Variants in NETO1 observed in about 807,000 individuals in gnomAD.
The protein encoded by NETO1 is neuropilin and tolloid-like protein 1.
A neutral mutation model predicts 61.3 loss-of-function variants in NETO1; 26 were observed. The ratio of observed to expected loss-of-function variants is 0.42; its 90% CI spans 0.31 to 0.59. The LOEUF (loss-of-function observed/expected upper bound fraction) is 0.59, where lower values mean the gene tolerates loss of function less well. NETO1 is among the 20% of genes least tolerant of loss of function. The pLI, the probability that NETO1 is intolerant of heterozygous loss-of-function variation, is 0.12. For synonymous variants in NETO1, 225 were observed against 225.8 expected (o/e 1.00, Z 0.03); for missense variants, 531 against 662.8 (o/e 0.80, Z 2.18).
intron 7 of NETO1, among the ~76,000 whole-genome samples, chr18:72,756,799 T>C (rs577081181): frequency 2.6e-5 from 4 of 152,198 alleles, no homozygotes; most frequent in African/African-American, 7.2e-5. Context: ...CAGATTACAA[T>C]GCACATTGAG....
chr18:72,855,323 C>A (rs1412414145), intron 4 of NETO1, among the ~76,000 whole-genome samples: 3 of 152,192 alleles, frequency 2.0e-5, no homozygotes, highest in African/African-American at 7.2e-5. Context: ...AGGATTTGAA[C>A]CAGCTGATTT....
intron 7 of NETO1, among the ~76,000 whole-genome samples, chr18:72,762,487 T>G (rs1176030408): frequency 2.0e-5 from 3 of 152,188 alleles, no homozygotes; most frequent in Non-Finnish European, 4.4e-5. Context: ...TATACTTTTA[T>G]GTATAAGTAT....
chr18:72,849,672 T>C (rs1319705763), intron 4 of NETO1, among the ~76,000 whole-genome samples: 2 of 152,246 alleles, frequency 1.3e-5, no homozygotes, highest in African/African-American at 4.8e-5. Flanking sequence ...TGTTTCTTAT[T>C]TGTTGCTTTA....
At chr18:72,757,267 G>A (rs1372020936) in intron 7 of NETO1, among the ~76,000 whole-genome samples, 5 of 151,940 alleles carry the variant, frequency 3.3e-5, no homozygotes, top group African/African-American at 1.2e-4. Context: ...TTTCAAAACT[G>A]TATATTACAT....
chr18:72,792,015 G>C (rs1450934916), intron 6 of NETO1, among the ~76,000 whole-genome samples: 1 of 152,168 alleles, frequency 6.6e-6, no homozygotes, highest in Non-Finnish European at 1.5e-5. Flanking sequence ...CTGGAAGCTG[G>C]AGAATGATCT....
In NETO1 at chr18:72,756,429, A is replaced by G. The variant is rs966875585; in HGVS notation, c.869-282T>C. 3.3e-5 allele frequency among the ~76,000 whole-genome samples: 5 copies of G among 152,148 alleles called. No homozygotes were observed. In the South Asian group the frequency reaches 1.0e-3, roughly 31 times the overall value. On this transcript the variant is annotated intron_variant, in intron 7 of 10. Coordinates refer to ENST00000327305, the MANE Select transcript of NETO1 (RefSeq NM_138966.5). The stretch of plus-strand genomic sequence containing the variant: ...ATTATCCACATTTTTTTAAGTAGGC[A>G]TATTTATTTAGCAAACCTGAAGCAT...
At chr18:72,775,785 C>G (rs985456583) in intron 7 of NETO1, among the ~76,000 whole-genome samples, 1 of 152,092 alleles carries the variant, frequency 6.6e-6, no homozygotes, top group Non-Finnish European at 1.5e-5. Context: ...TGCCTCAGTT[C>G]TGTTAACAAA....
At chr18:72,771,003 G>A (rs2071335988) in intron 7 of NETO1, among the ~76,000 whole-genome samples, 1 of 152,098 alleles carries the variant, frequency 6.6e-6, no homozygotes, top group African/African-American at 2.4e-5. Flanking sequence ...ATTAAAGTAA[G>A]TTGATTATTT....
At chr18:72,806,463 T>C (rs1480972531) in intron 4 of NETO1, among the ~76,000 whole-genome samples, 2 of 152,206 alleles carry the variant, frequency 1.3e-5, no homozygotes, top group Non-Finnish European at 2.9e-5. Flanking sequence ...ATCACTCCTA[T>C]ACATAGTAGT....
intron 4 of NETO1, among the ~76,000 whole-genome samples, chr18:72,813,764 A>T (rs2072942900): frequency 6.6e-6 from 1 of 152,186 alleles, no homozygotes; most frequent in African/African-American, 2.4e-5. Flanking sequence ...GAGTGAGAAA[A>T]TAAAGGAGAA....
At chr18:72,755,908 C>A (rs2070766834) in intron 8 of NETO1, 126 bp downstream of exon 8, 9 of 555,468 alleles carry the variant, frequency 1.6e-5, no homozygotes, top group Non-Finnish European at 2.7e-5. Context: ...AATTATAAGA[C>A]ATATGCGGTG....
At chr18:72,748,983 G>A (rs759183146) in intron 10 of NETO1, 31 bp downstream of exon 10, 3 of 1,384,098 alleles carry the variant, frequency 2.2e-6, no homozygotes, top group Admixed American at 3.4e-5. Context: ...ATACGACAAA[G>A]TAGGAAAAGG....
intron 4 of NETO1, among the ~76,000 whole-genome samples, chr18:72,843,373 C>G (rs2073991680): frequency 6.6e-6 from 1 of 152,176 alleles, no homozygotes; most frequent in Non-Finnish European, 1.5e-5. Context: ...TTCTCTACCA[C>G]CCTCCTTTTT....
chr18:72,804,104 T>C (rs909588885), intron 4 of NETO1, among the ~76,000 whole-genome samples: 2 of 152,120 alleles, frequency 1.3e-5, no homozygotes, highest in Non-Finnish European at 2.9e-5. Context: ...TTTATTGGTA[T>C]AATTTGAATA....
intron 4 of NETO1, among the ~76,000 whole-genome samples, chr18:72,803,770 G>A (rs531152879): frequency 5.3e-5 from 8 of 149,726 alleles, no homozygotes; most frequent in African/African-American, 2.0e-4. Flanking sequence ...GCAGTCAGCC[G>A]AGATCACACC....
At chr18:72,757,724 A>G (rs1295400962) in intron 7 of NETO1, among the ~76,000 whole-genome samples, 1 of 152,170 alleles carries the variant, frequency 6.6e-6, no homozygotes, top group Non-Finnish European at 1.5e-5. Flanking sequence ...AATCCAGTAT[A>G]TTATTGTAAA....
intron 4 of NETO1, among the ~76,000 whole-genome samples, chr18:72,837,202 TG>T (rs1293121222): frequency 6.6e-6 from 1 of 152,184 alleles, no homozygotes; most frequent in African/African-American, 2.4e-5. Flanking sequence ...TTTCAGAATG[TG>T]GCATTCATTT....
At chr18:72,858,619 C>T (rs193079335) in intron 4 of NETO1, among the ~76,000 whole-genome samples, 1 of 152,274 alleles carries the variant, frequency 6.6e-6, no homozygotes, top group African/African-American at 2.4e-5. Flanking sequence ...AGTCACTACT[C>T]TTTACCTCTA....
rs2145388611 is a variant in NETO1, at chr18:72,830,982, T to C, written c.469+27844A>G. Among the ~76,000 whole-genome samples the C allele has an allele frequency of 6.6e-6, 1 of 152,268 alleles. No homozygotes were observed. The highest frequency in any genetic ancestry group is 2.1e-4 in the South Asian group (1 of 4,822). Reference sequence around the variant, plus strand: ...AAATCTTCTTGATGAGGTATACTATTACCTCATCAAGGTAACAGAATATGT... The same window carrying C: ...AAATCTTCTTGATGAGGTATACTATCACCTCATCAAGGTAACAGAATATGT... On this transcript the variant is annotated intron_variant, in intron 4 of 10. Coordinates refer to ENST00000327305, the MANE Select transcript of NETO1 (RefSeq NM_138966.5). The surrounding 1 kb of genome is among the most constrained non-coding windows in gnomAD (Gnocchi z 4.9).
Sources: allele counts gnomAD v4.1 joint callset (sites outside exome capture counted in the v4.1 genomes callset), GRCh38; gene constraint gnomAD v4.1.1; non-coding constraint Gnocchi (gnomAD v3.1); transcripts MANE v1.5; gene names NCBI Gene and HGNC (gene_info 2026-07-23, HGNC 2026-07-21).